The following SCD5 variants were observed in gnomAD, a reference collection of about 807,000 sequenced individuals.
The protein encoded by SCD5 is acyl-CoA-desaturase 4.
A neutral mutation model predicts 30.4 loss-of-function variants in SCD5; 20 were observed. That is an observed-to-expected ratio of 0.66 (90% CI 0.46 to 0.96). The LOEUF (loss-of-function observed/expected upper bound fraction) is 0.96. SCD5 is among the 40% of genes least tolerant of loss of function. SCD5 has a pLI of 0.00. For missense variants in SCD5, 381 were observed against 443.3 expected, an observed-to-expected ratio of 0.86 and a Z score of 1.26; for synonymous variants, 173 against 176.4, an observed-to-expected ratio of 0.98 and a Z score of 0.16.
At chr4:82,793,044 T>A (rs1722132594) in intron 1 of SCD5, among the ~76,000 whole-genome samples, 1 of 152,238 alleles carries the variant, frequency 6.6e-6, no homozygotes, top group South Asian at 2.1e-4. Context: ...CTAGCTGCAA[T>A]CCAGGCTTGG....
At chr4:82,689,168 T>C (rs1340154084) in intron 2 of SCD5, among the ~76,000 whole-genome samples, 4 of 152,186 alleles carry the variant, frequency 2.6e-5, no homozygotes, top group Non-Finnish European at 5.9e-5. Flanking sequence ...TGTGGAGAAA[T>C]GGCTGGTGCC....
At chr4:82,758,962 G>A (rs1444820559) in intron 1 of SCD5, among the ~76,000 whole-genome samples, 1 of 152,198 alleles carries the variant, frequency 6.6e-6, no homozygotes. Context: ...ACAATCCTGA[G>A]GCACACCCTG....
chr4:82,724,876 C>A (rs1720440067), intron 1 of SCD5, among the ~76,000 whole-genome samples: 1 of 152,178 alleles, frequency 6.6e-6, no homozygotes, highest in Non-Finnish European at 1.5e-5. Flanking sequence ...TCCTCCACTG[C>A]CTCTGAGAGC....
chr4:82,637,354 C>G (rs2148811899), intron 3 of SCD5, among the ~76,000 whole-genome samples: 1 of 152,268 alleles, frequency 6.6e-6, no homozygotes, highest in South Asian at 2.1e-4. Context: ...ACGTTCCAAA[C>G]CAGCAAAAAA....
chr4:82,700,923 T>C (rs927815321), intron 2 of SCD5, among the ~76,000 whole-genome samples: 1 of 151,046 alleles, frequency 6.6e-6, no homozygotes, highest in Non-Finnish European at 1.5e-5. Flanking sequence ...AGAAAAATTA[T>C]ATCAGAAACC....
intron 1 of SCD5, among the ~76,000 whole-genome samples, chr4:82,771,873 G>A (rs549260224): frequency 6.6e-6 from 1 of 152,328 alleles, no homozygotes; most frequent in Non-Finnish European, 1.5e-5. Context: ...ACCACATCTT[G>A]TGAACAGTCC....
At position 82,798,605 on chromosome 4, in the gene SCD5, G is replaced by A; in HGVS notation, c.-68C>T. On this transcript the variant is annotated 5_prime_UTR_variant, in exon 1 of 5. Coordinates refer to ENST00000319540, the MANE Select transcript of SCD5 (RefSeq NM_001037582.3). ...GCGCTCTGCCCGAGCGGAGCTCGAG[G>A]GTGGGGGCGGGGGCTTCTGCCTTTT... The A allele has an allele frequency of 7.2e-7, 1 of 1,379,800 alleles. No homozygotes were observed. Among genetic ancestry groups the A allele is most frequent in the South Asian group, 1.4e-5 (1 of 69,594 alleles). The allele number at this position is 1,379,800 out of a possible 1,614,324, so 85.5% of individuals were successfully genotyped here. A position where few individuals can be genotyped will look rare whatever the true frequency, so the allele number is the denominator to read the frequency against.
chr4:82,651,725 C>T (rs1727757688), intron 3 of SCD5, among the ~76,000 whole-genome samples: 1 of 151,998 alleles, frequency 6.6e-6, no homozygotes, highest in Non-Finnish European at 1.5e-5. Flanking sequence ...ACCAGCCTGG[C>T]CAACATGGTG....
chr4:82,754,053 C>T (rs115484543), intron 1 of SCD5, among the ~76,000 whole-genome samples: 43 of 152,174 alleles, frequency 2.8e-4, no homozygotes, highest in East Asian at 3.9e-4. Flanking sequence ...CAGACTCGCC[C>T]GAAAAATGAG....
At chr4:82,660,967 T>A in intron 3 of SCD5, 2 of 1,614,220 alleles carry the variant, frequency 1.2e-6, no homozygotes, top group Non-Finnish European at 1.7e-6. Flanking sequence ...AGCTAAAATG[T>A]GTAATCCGGG....
intron 1 of SCD5, among the ~76,000 whole-genome samples, chr4:82,710,547 G>A (rs1438805001): frequency 6.6e-6 from 1 of 152,134 alleles, no homozygotes; most frequent in Non-Finnish European, 1.5e-5. Context: ...GTGGGGAGCT[G>A]TTTTTCCCCA....
intron 1 of SCD5, among the ~76,000 whole-genome samples, chr4:82,713,290 T>C (rs191410575): frequency 6.6e-6 from 1 of 151,304 alleles, no homozygotes; most frequent in Admixed American, 6.6e-5. Flanking sequence ...TGTAACATAC[T>C]GGGCAACTGC....
At chr4:82,762,884 T>C (rs1342496623) in intron 1 of SCD5, among the ~76,000 whole-genome samples, 2 of 152,190 alleles carry the variant, frequency 1.3e-5, no homozygotes, top group African/African-American at 4.8e-5. Context: ...AACTCAGGAT[T>C]CTGGGTGGAC....
intron 1 of SCD5, chr4:82,776,249 G>A (rs978418106): frequency 6.6e-6 from 1 of 152,218 alleles, no homozygotes; most frequent in East Asian, 1.9e-4. Context: ...CTGGTGTAAA[G>A]TGCCACATAG....
intron 1 of SCD5, among the ~76,000 whole-genome samples, chr4:82,738,295 G>A (rs11736595): frequency 0.44 from 66,060 of 151,844 alleles, 17,184 homozygotes; most frequent in South Asian, 0.59. Context: ...GGTGGCGTGC[G>A]TCTGTGGTCC....
intron 1 of SCD5, among the ~76,000 whole-genome samples, chr4:82,718,264 T>C (rs1215415108): frequency 1.3e-5 from 2 of 151,762 alleles, no homozygotes; most frequent in Non-Finnish European, 2.9e-5. Context: ...GGGAACATTC[T>C]ATGGAGAGAG....
chr4:82,664,588 T>C (rs1728126692), intron 3 of SCD5, among the ~76,000 whole-genome samples: 1 of 152,134 alleles, frequency 6.6e-6, no homozygotes, highest in Admixed American at 6.5e-5. Flanking sequence ...AAGGTGAACA[T>C]GCATGAACAG....
At chr4:82,681,545 C>T (rs936090323) in intron 2 of SCD5, among the ~76,000 whole-genome samples, 2 of 152,040 alleles carry the variant, frequency 1.3e-5, no homozygotes, top group African/African-American at 2.4e-5. Context: ...AACAGTAATC[C>T]GAATACCACT....
rs58582191 is a variant in SCD5 at position 82,711,705 on chromosome 4, T to TA, written c.233-6293dup. 8.0e-4 allele frequency among the ~76,000 whole-genome samples: 117 copies of TA among 146,348 alleles called. 1 individual carries two copies. Among genetic ancestry groups the TA allele is most frequent in the African/African-American group, 8.2e-4 (33 of 40,036 alleles). On this transcript the variant is annotated intron_variant, in intron 1 of 4. Transcript: ENST00000319540. ...TGGGTGATAAAGTAAGACCTTGTCT[T>TA]AAAAAAAAAAAAAAATCCAGCCCTA...
Sources: allele counts gnomAD v4.1 joint callset (sites outside exome capture counted in the v4.1 genomes callset), GRCh38; gene constraint gnomAD v4.1.1; transcripts MANE v1.5; gene names NCBI Gene and HGNC (gene_info 2026-07-23, HGNC 2026-07-21).